Variants in BTBD9 observed in about 807,000 individuals in gnomAD.
The protein encoded by BTBD9 is BTB domain containing 9.
Under a neutral mutation model 64.3 loss-of-function variants are expected in BTBD9, and 49 were observed. The observed-to-expected ratio is 0.76, with a 90% CI of 0.61 to 0.97. BTBD9 has a LOEUF of 0.97. Among genes scored for constraint, BTBD9 ranks in the 50% least tolerant of loss-of-function variants. The pLI, the probability that BTBD9 is intolerant of heterozygous loss-of-function variation, is 0.00. For synonymous variants in BTBD9, 260 were observed against 274.7 expected, an observed-to-expected ratio of 0.95 and a Z score of 0.53; for missense variants, 598 against 762.1, an observed-to-expected ratio of 0.78 and a Z score of 2.53.
chr6:38,426,603 C>T (rs970266020), intron 6 of BTBD9, among the ~76,000 whole-genome samples: 2 of 151,876 alleles, frequency 1.3e-5, no homozygotes. Context: ...GTCCGCTGTG[C>T]TCCTGATCCA....
chr6:38,350,806 C>T (rs754959806), intron 6 of BTBD9, among the ~76,000 whole-genome samples: 2 of 152,240 alleles, frequency 1.3e-5, no homozygotes, highest in Non-Finnish European at 2.9e-5. Context: ...ACTTAAGCTA[C>T]AGCATTCACT....
At chr6:38,419,663 G>A (rs1241939196) in intron 6 of BTBD9, among the ~76,000 whole-genome samples, 1 of 152,104 alleles carries the variant, frequency 6.6e-6, no homozygotes, top group Admixed American at 6.5e-5. Context: ...CTAAGGTCGC[G>A]ATTTCAAGAC....
At chr6:38,402,166 ATAAAG>A (rs941057794) in intron 6 of BTBD9, among the ~76,000 whole-genome samples, 1 of 152,234 alleles carries the variant, frequency 6.6e-6, no homozygotes, top group African/African-American at 2.4e-5. Context: ...ATTGAAAACT[ATAAAG>A]TATTGTTGAA....
intron 7 of BTBD9, among the ~76,000 whole-genome samples, chr6:38,332,574 C>A (rs1382265506): frequency 6.6e-6 from 1 of 151,946 alleles, no homozygotes; most frequent in Admixed American, 6.6e-5. Flanking sequence ...TGGGAATAGA[C>A]CCCTCATTCA....
rs985497745 is a variant in BTBD9 at position 38,196,875 on chromosome 6, A to G, written c.1563-4278T>C. On this transcript the variant is annotated intron_variant, in intron 9 of 10. Transcript: ENST00000481247. ...TGCCCAGACCCACCCACAAAACTCA[A>G]TTTAACCCATAATGAAGCTAAAATA... Among the ~76,000 whole-genome samples the G allele has an allele frequency of 3.3e-5, 5 of 152,370 alleles. No individual in the cohort carries two copies. The East Asian group carries it at 7.7e-4, about 23-fold the overall frequency.
At chr6:38,215,473 T>C (rs1298974204) in intron 9 of BTBD9, among the ~76,000 whole-genome samples, 1 of 152,104 alleles carries the variant, frequency 6.6e-6, no homozygotes, top group Non-Finnish European at 1.5e-5. Flanking sequence ...AGAGCACTCA[T>C]CCCCTCAAGA....
intron 4 of BTBD9, 51 bp from the exon 5 acceptor site, chr6:38,580,488 T>C: frequency 1.4e-6 from 2 of 1,472,310 alleles, no homozygotes; most frequent in South Asian, 1.2e-5. Flanking sequence ...ATTTATTCTG[T>C]ATTTTTTGAA....
chr6:38,546,361 A>G (rs1019880987), intron 6 of BTBD9, among the ~76,000 whole-genome samples: 6 of 152,250 alleles, frequency 3.9e-5, no homozygotes, highest in Admixed American at 3.9e-4. Context: ...ATCTAATAAG[A>G]ATAAACACCT....
chr6:38,436,134 T>A (rs1015799207), intron 6 of BTBD9, among the ~76,000 whole-genome samples: 2 of 151,870 alleles, frequency 1.3e-5, no homozygotes, highest in African/African-American at 2.4e-5. Flanking sequence ...AGTAGATAAA[T>A]AGAAAGTACC....
chr6:38,330,858 C>T (rs769278644), intron 7 of BTBD9, among the ~76,000 whole-genome samples: 1 of 152,232 alleles, frequency 6.6e-6, no homozygotes, highest in East Asian at 1.9e-4. Context: ...AAACCTCTAC[C>T]TCAGACCAAA....
chr6:38,457,506 A>G (rs1466997255), intron 6 of BTBD9, among the ~76,000 whole-genome samples: 1 of 152,130 alleles, frequency 6.6e-6, no homozygotes. Context: ...AGGCAGGATC[A>G]AGGATGAGTC....
At chr6:38,580,094 T>C (rs1240991825) in intron 5 of BTBD9, 124 bp downstream of exon 5, 3 of 915,752 alleles carry the variant, frequency 3.3e-6, no homozygotes, top group African/African-American at 3.4e-5. Flanking sequence ...AAAACCAACC[T>C]TCAAGAGATA....
intron 9 of BTBD9, among the ~76,000 whole-genome samples, chr6:38,216,692 T>C (rs922273464): frequency 2.4e-4 from 37 of 152,236 alleles, no homozygotes; most frequent in African/African-American, 8.7e-4. Flanking sequence ...CAATGAACTG[T>C]GTTGCAGCTG....
intron 4 of BTBD9, among the ~76,000 whole-genome samples, chr6:38,589,493 T>C (rs536999014): frequency 6.6e-6 from 1 of 152,290 alleles, no homozygotes; most frequent in African/African-American, 2.4e-5. Context: ...CACTAATTAC[T>C]CATCTTACTA....
At chr6:38,523,654 A>G (rs548021762) in intron 6 of BTBD9, among the ~76,000 whole-genome samples, 3 of 152,296 alleles carry the variant, frequency 2.0e-5, no homozygotes, top group South Asian at 4.1e-4. Flanking sequence ...TAATCCCACC[A>G]TAAGTTCTTC....
chr6:38,176,826 A>G (rs996386551), intron 10 of BTBD9, among the ~76,000 whole-genome samples: 1 of 152,212 alleles, frequency 6.6e-6, no homozygotes, highest in African/African-American at 2.4e-5. Flanking sequence ...CGCCCTGGGC[A>G]TGTCGGCCAC....
intron 6 of BTBD9, among the ~76,000 whole-genome samples, chr6:38,396,318 T>C (rs1467390004): frequency 1.3e-5 from 2 of 152,218 alleles, no homozygotes; most frequent in African/African-American, 2.4e-5. Context: ...GTGTACTGAA[T>C]GTGAACCTAC....
At chr6:38,295,381 G>T (rs1025506511) in intron 7 of BTBD9, among the ~76,000 whole-genome samples, 5 of 152,016 alleles carry the variant, frequency 3.3e-5, no homozygotes, top group Non-Finnish European at 5.9e-5. Flanking sequence ...GCCCAGGCTG[G>T]TCTTGAACTC....
chr6:38,258,084 C>G (rs1312772055), intron 8 of BTBD9, among the ~76,000 whole-genome samples: 2 of 151,978 alleles, frequency 1.3e-5, no homozygotes, highest in Admixed American at 1.3e-4. Flanking sequence ...CTCCCGGGTT[C>G]AAGTGATTCT....
Sources: gnomAD v4.1 joint callset for allele counts (sites outside exome capture counted in the v4.1 genomes callset) on GRCh38, gnomAD v4.1.1 for gene constraint, MANE v1.5 for transcripts, NCBI Gene and HGNC (gene_info 2026-07-23, HGNC 2026-07-21) for gene names.